The following BCLAF1 variants were observed in gnomAD, a reference collection of about 807,000 sequenced individuals.
BCLAF1 encodes bcl-2-associated transcription factor 1.
BCLAF1 carries 10 observed loss-of-function variants against 99.5 expected under a neutral mutation model. That is an observed-to-expected ratio of 0.10 (90% CI 0.06 to 0.17). BCLAF1 has a LOEUF of 0.17. Among genes scored for constraint, BCLAF1 ranks in the 10% least tolerant of loss-of-function variants. The pLI, the probability that BCLAF1 is intolerant of heterozygous loss-of-function variation, is 1.00. For synonymous variants in BCLAF1, 255 were observed against 370.9 expected, an observed-to-expected ratio of 0.69 and a Z score of 3.59; for missense variants, 636 against 1,105.8, an observed-to-expected ratio of 0.58 and a Z score of 6.02.
chr6:136,278,824 C>G, intron 3 of BCLAF1, 48 bp from the exon 4 acceptor site: 1 of 1,431,440 alleles, frequency 7.0e-7, no homozygotes, highest in Non-Finnish European at 9.2e-7. Flanking sequence ...GTATTCCATG[C>G]TACCATTCTA....
chr6:136,284,436 T>C (rs764146920), intron 1 of BCLAF1, among the ~76,000 whole-genome samples: 91 of 152,230 alleles, frequency 6.0e-4, no homozygotes, highest in Non-Finnish European at 1.1e-3. Flanking sequence ...CAAAGCACAA[T>C]GCTAATTACT....
At chr6:136,263,129 A>C (rs1781248904) in intron 11 of BCLAF1, among the ~76,000 whole-genome samples, 1 of 152,194 alleles carries the variant, frequency 6.6e-6, no homozygotes, top group South Asian at 2.1e-4. Context: ...CTAAGATAGT[A>C]TTACTGCCCT....
intron 6 of BCLAF1, chr6:136,273,916 G>C (rs1782903829): frequency 1.9e-6 from 2 of 1,069,422 alleles, no homozygotes; most frequent in Non-Finnish European, 2.4e-6. Flanking sequence ...ACATTATGAA[G>C]CAAGCTATCT....
chr6:136,277,152 T>C (rs970885342), intron 4 of BCLAF1, among the ~76,000 whole-genome samples: 2 of 152,248 alleles, frequency 1.3e-5, no homozygotes, highest in African/African-American at 4.8e-5. Context: ...CAACCAATTT[T>C]CACTGTTAGC....
intron 7 of BCLAF1, among the ~76,000 whole-genome samples, chr6:136,272,619 C>G (rs771112098): frequency 2.6e-5 from 4 of 151,900 alleles, no homozygotes; most frequent in Non-Finnish European, 5.9e-5. Flanking sequence ...GCATGATTAT[C>G]CACATTTTGT....
At position 136,276,151 on chromosome 6, in the gene BCLAF1, A is replaced by G; in HGVS notation, c.1374T>C (p.Asn458=). Residue 458 remains asparagine, a synonymous_variant, in exon 5 of 13, where the codon AAT becomes AAC. Coordinates refer to ENST00000531224, the MANE Select transcript of BCLAF1 (RefSeq NM_014739.3). ...CATATCCAGTCTCTTTAAGTTTATA[A>G]TTTTTTTCTTCTCTAAATCCATCAC... ...RESDGFREEK[N]YKLKETGYVV... 1 of 1,613,206 alleles carries G rather than the reference A, an allele frequency of 6.2e-7. No individual in the cohort carries two copies. The highest frequency in any genetic ancestry group is 8.5e-7 in the Non-Finnish European group (1 of 1,179,836).
chr6:136,272,110 ATAT>A, intron 7 of BCLAF1, 31 bp from the exon 8 acceptor site: 1 of 1,470,706 alleles, frequency 6.8e-7, no homozygotes, highest in South Asian at 1.3e-5. Context: ...ATTTTTAGTC[ATAT>A]TATTAACTTT....
chr6:136,285,366 A>G (rs776802848), intron 1 of BCLAF1, among the ~76,000 whole-genome samples: 6 of 152,338 alleles, frequency 3.9e-5, no homozygotes, highest in Non-Finnish European at 7.4e-5. Context: ...TTTAGATTCA[A>G]GCATCTGGGA....
intron 3 of BCLAF1, among the ~76,000 whole-genome samples, chr6:136,279,312 G>A (rs1187795299): frequency 6.6e-6 from 1 of 151,978 alleles, no homozygotes; most frequent in African/African-American, 2.4e-5. Context: ...TGTTTTCTAT[G>A]CTAAGTATGT....
At chr6:136,284,745 A>T (rs1784893682) in intron 1 of BCLAF1, among the ~76,000 whole-genome samples, 1 of 152,194 alleles carries the variant, frequency 6.6e-6, no homozygotes, top group South Asian at 2.1e-4. Context: ...TTAAGTTAAG[A>T]CTTAAGCTCC....
Position 136,277,929 on chromosome 6 carries a change from G to A in BCLAF1, c.952C>T (p.Arg318Cys), listed in dbSNP as rs376959758. Residue 318 changes from arginine (R) to cysteine (C), a missense_variant, in exon 4 of 13, where the codon CGT becomes TGT. Arg to Cys is a radical substitution (Grantham distance 180). Coordinates refer to ENST00000531224, the MANE Select transcript of BCLAF1 (RefSeq NM_014739.3). Reference protein sequence around the residue: ...QNAPRDESRGRSSFYPDGGDQ... With the variant: ...QNAPRDESRGCSSFYPDGGDQ... ...CCACCATCAGGATAAAACGAGGAAC[G>A]GCCCCTAGACTCATCTCTTGGAGCA... The A allele has an allele frequency of 1.4e-5, 22 of 1,573,712 alleles. No individual in the cohort carries two copies. The highest frequency in any genetic ancestry group is 6.9e-5 in the African/African-American group (5 of 72,950).
At chr6:136,279,030 T>C (rs966635073) in intron 3 of BCLAF1, among the ~76,000 whole-genome samples, 16 of 90,840 alleles carry the variant, frequency 1.8e-4, no homozygotes, top group Middle Eastern at 4.8e-3. Flanking sequence ...CACACACGCA[T>C]GTGTTATATA....
chr6:136,282,153 T>TAC (rs921436531), intron 2 of BCLAF1, among the ~76,000 whole-genome samples: 2 of 152,218 alleles, frequency 1.3e-5, no homozygotes, highest in Admixed American at 6.5e-5. Context: ...TAACAGTACC[T>TAC]ACTTCACAGA....
intron 1 of BCLAF1, among the ~76,000 whole-genome samples, 177 bp from the exon 2 acceptor site, chr6:136,282,864 T>C (rs1262392304): frequency 6.6e-6 from 1 of 152,196 alleles, no homozygotes; most frequent in East Asian, 1.9e-4. Context: ...AATTCAACTT[T>C]TTTGTAAACC....
chr6:136,269,447 T>G lies in BCLAF1; in HGVS notation c.2209A>C (p.Lys737Gln). 1 of 1,606,640 alleles carries G rather than the reference T, an allele frequency of 6.2e-7. No homozygotes were observed. Among genetic ancestry groups the G allele is most frequent in the Non-Finnish European group, 8.5e-7 (1 of 1,177,216 alleles). Reference sequence around the variant, plus strand: ...AGTTTGAACAATTACCTGTCATCTTTGTAAGATTTGTATTCCTTGTAATCT... The same window carrying G: ...AGTTTGAACAATTACCTGTCATCTTGGTAAGATTTGTATTCCTTGTAATCT... ...PKDYKEYKSYKDDSKHKREQD... is the reference protein window; with the variant it reads ...PKDYKEYKSYQDDSKHKREQD... Residue 737 changes from lysine to glutamine, a missense_variant, in exon 9 of 13, where the codon AAA (lysine) becomes CAA (glutamine). Physicochemically the swap from Lys to Gln is moderately conservative, Grantham distance 53. This residue lies in a region of BCLAF1 where 180 missense variants were observed against 270.0 expected (regional missense o/e 0.67). Coordinates refer to ENST00000531224, the MANE Select transcript of BCLAF1 (RefSeq NM_014739.3).
chr6:136,267,293 A>G, intron 10 of BCLAF1, 118 bp from the exon 11 acceptor site: 1 of 1,193,154 alleles, frequency 8.4e-7, no homozygotes, highest in Non-Finnish European at 1.2e-6. Context: ...TCTAAATCTC[A>G]TGGCCATTGA....
At chr6:136,275,428 T>C (rs1783145997) in intron 6 of BCLAF1, 104 bp downstream of exon 6, 1 of 1,130,536 alleles carries the variant, frequency 8.8e-7, no homozygotes, top group East Asian at 2.7e-5. Flanking sequence ...ATTGGATGTA[T>C]ATTTGCTAGC....
At position 136,284,143 on chromosome 6, in the gene BCLAF1, T is replaced by C. The variant is rs1374957709; in HGVS notation, c.-114-1456A>G. Among the ~76,000 whole-genome samples the C allele has an allele frequency of 4.1e-5, 6 of 145,578 alleles. No individual in the cohort carries two copies. The East Asian group carries it at 1.2e-3, about 29-fold the overall frequency. ...GTGTGTGTGTGTGTATATATATATA[T>C]ATATATATATATATATCCAGAGAAG... On this transcript the variant is annotated intron_variant, in intron 1 of 12. Coordinates refer to ENST00000531224, the MANE Select transcript of BCLAF1 (RefSeq NM_014739.3).
At position 136,257,426 on chromosome 6, in the gene BCLAF1, T is replaced by A. The variant is rs541046738; in HGVS notation, c.*3684A>T. 1 of 152,176 alleles carries A rather than the reference T, an allele frequency of 6.6e-6. No homozygotes were observed. Among genetic ancestry groups the A allele is most frequent in the Admixed American group, 6.5e-5 (1 of 15,278 alleles). The allele number at this position is 152,176 out of a possible 1,614,324, so 9.4% of individuals were successfully genotyped here. ...CATTACCATCATTGACACAAGTTAA[T>A]CATTACTGCATGTTTCTAAAACAAT... On this transcript the variant is annotated 3_prime_UTR_variant, in exon 13 of 13. Coordinates refer to ENST00000531224, the MANE Select transcript of BCLAF1 (RefSeq NM_014739.3).
Sources: gnomAD v4.1 joint callset for allele counts (sites outside exome capture counted in the v4.1 genomes callset) on GRCh38, gnomAD v4.1.1 for gene constraint, gnomAD v4.1.1 regional missense constraint, MANE v1.5 for transcripts, NCBI Gene and HGNC (gene_info 2026-07-23, HGNC 2026-07-21) for gene names.